Variants in ACOXL observed in about 807,000 individuals in gnomAD.
ACOXL encodes acyl-coenzyme A oxidase-like protein.
Under a neutral mutation model 71.9 loss-of-function variants are expected in ACOXL, and 70 were observed. The ratio of observed to expected loss-of-function variants is 0.97; its 90% CI spans 0.80 to 1.19. The LOEUF is 1.19. Among genes scored for constraint, ACOXL ranks in the 50% most tolerant of loss-of-function variants. ACOXL has a pLI of 0.00. For synonymous variants in ACOXL, 253 were observed against 281.6 expected (o/e 0.90, Z 1.02); for missense variants, 703 against 736.3 (o/e 0.95, Z 0.52).
chr2:110,888,394 G>A (rs1194798299), intron 10 of ACOXL, among the ~76,000 whole-genome samples: 4 of 152,148 alleles, frequency 2.6e-5, no homozygotes, highest in Non-Finnish European at 5.9e-5. Flanking sequence ...GCTGTACCCC[G>A]TGGATGCACC....
intron 12 of ACOXL, among the ~76,000 whole-genome samples, chr2:110,953,415 T>C (rs890001231): frequency 6.6e-6 from 1 of 152,160 alleles, no homozygotes; most frequent in Non-Finnish European, 1.5e-5. Context: ...TTTTATGGCC[T>C]GCTCTGTGGT....
At chr2:110,991,929 A>G (rs2063190393) in intron 13 of ACOXL, among the ~76,000 whole-genome samples, 2 of 152,216 alleles carry the variant, frequency 1.3e-5, no homozygotes, top group African/African-American at 2.4e-5. Context: ...ATTGTCCAAC[A>G]TATTAAGGAG....
rs77578161 is a variant in ACOXL at position 110,842,384 on chromosome 2, A to G, written c.788+979A>G. ...AGAGGCTCAAGATCATGGAGGGGAAAGAAATACATTTTCCTGGCCCATTGC... is the reference window on the plus strand; with the variant it reads ...AGAGGCTCAAGATCATGGAGGGGAAGGAAATACATTTTCCTGGCCCATTGC... On this transcript the variant is annotated intron_variant, in intron 10 of 17. Coordinates refer to ENST00000439055, the MANE Select transcript of ACOXL (RefSeq NM_001142807.4). 1.4e-3 allele frequency among the ~76,000 whole-genome samples: 209 copies of G among 152,324 alleles called. 2 individuals are homozygous for G. In the East Asian group the frequency reaches 0.016, roughly 12 times the overall value.
chr2:110,798,757 C>A, intron 6 of ACOXL, 33 bp downstream of exon 6: 8 of 1,575,424 alleles, frequency 5.1e-6, no homozygotes, highest in Non-Finnish European at 7.0e-6. Flanking sequence ...TAGAATAATT[C>A]TCTTCATTAG....
chr2:111,099,973 C>T (rs1442825870), intron 17 of ACOXL: 1 of 152,222 alleles, frequency 6.6e-6, no homozygotes, highest in Non-Finnish European at 1.5e-5. Flanking sequence ...TAATCTCTTA[C>T]TTTATTTTAC....
At chr2:111,111,608 C>G (rs886684845) in intron 17 of ACOXL, among the ~76,000 whole-genome samples, 9 of 152,154 alleles carry the variant, frequency 5.9e-5, no homozygotes, top group African/African-American at 2.2e-4. Flanking sequence ...TCTTTTTAAA[C>G]TTTTCCTCTT....
In ACOXL at chr2:111,003,782, A is replaced by G. The variant is rs192123467; in HGVS notation, c.1281+7778A>G. Among the ~76,000 whole-genome samples, 250 of 152,262 alleles carry G rather than the reference A, an allele frequency of 1.6e-3. 2 individuals are homozygous for G. Among genetic ancestry groups the G allele is most frequent in the African/African-American group, 5.5e-3 (228 of 41,548 alleles). Reference sequence around the variant, plus strand: ...ATTAATGTAACCATTTTTATGGTCAATTCAAATAAATATTCATTAAGCACA... The same window carrying G: ...ATTAATGTAACCATTTTTATGGTCAGTTCAAATAAATATTCATTAAGCACA... On this transcript the variant is annotated intron_variant, in intron 14 of 17. Coordinates refer to ENST00000439055, the MANE Select transcript of ACOXL (RefSeq NM_001142807.4).
In ACOXL at chr2:110,762,935, G is replaced by A. The variant is rs553620152; in HGVS notation, c.-22-5433G>A. Among the ~76,000 whole-genome samples the A allele has an allele frequency of 3.9e-5, 6 of 152,252 alleles. No individual in the cohort carries two copies. The South Asian group carries it at 1.2e-3, about 32-fold the overall frequency. ...GCCTCCCACAGTGCTTGAATTATAGGCATGACCCACTGCCCCTGGCCAAAT... is the reference window on the plus strand; with the variant it reads ...GCCTCCCACAGTGCTTGAATTATAGACATGACCCACTGCCCCTGGCCAAAT... On this transcript the variant is annotated intron_variant, in intron 1 of 17. Transcript: ENST00000439055.
intron 15 of ACOXL, among the ~76,000 whole-genome samples, chr2:111,041,234 G>A (rs1220599682): frequency 7.2e-5 from 11 of 152,148 alleles, no homozygotes; most frequent in Admixed American, 7.2e-4. Context: ...GCAGGGCCTC[G>A]TAACATCCAG....
chr2:110,987,285 C>A, intron 13 of ACOXL, 68 bp downstream of exon 13: 2 of 1,380,174 alleles, frequency 1.4e-6, no homozygotes, highest in South Asian at 1.3e-5. Context: ...TTCATACAGC[C>A]TTGGCATAAC....
At chr2:110,797,107 T>G (rs935670269) in intron 5 of ACOXL, among the ~76,000 whole-genome samples, 47 of 152,158 alleles carry the variant, frequency 3.1e-4, no homozygotes, top group African/African-American at 1.1e-3. Context: ...GCAAGAGGCT[T>G]AAAGGTAACC....
chr2:110,906,061 G>A (rs986793038), intron 10 of ACOXL, among the ~76,000 whole-genome samples: 3 of 152,134 alleles, frequency 2.0e-5, no homozygotes, highest in African/African-American at 7.2e-5. Flanking sequence ...CAACAGGTCG[G>A]GGTCAGATCT....
chr2:110,811,967 G>A (rs1218104555), intron 9 of ACOXL, among the ~76,000 whole-genome samples: 1 of 152,104 alleles, frequency 6.6e-6, no homozygotes, highest in Non-Finnish European at 1.5e-5. Flanking sequence ...TGCAGGTTCT[G>A]TTTTCTTTGC....
intron 16 of ACOXL, among the ~76,000 whole-genome samples, chr2:111,069,548 A>G (rs1323549232): frequency 6.6e-6 from 1 of 152,136 alleles, no homozygotes. Flanking sequence ...CTTATCCTCA[A>G]ACACCACTGG....
intron 15 of ACOXL, among the ~76,000 whole-genome samples, chr2:111,034,744 C>T (rs543586928): frequency 2.0e-4 from 30 of 152,270 alleles, no homozygotes; most frequent in African/African-American, 6.7e-4. Flanking sequence ...AAAATTTCAC[C>T]AGCGTATCAT....
At chr2:111,054,166 T>C (rs1052822593) in intron 16 of ACOXL, among the ~76,000 whole-genome samples, 1 of 152,182 alleles carries the variant, frequency 6.6e-6, no homozygotes, top group Non-Finnish European at 1.5e-5. Flanking sequence ...GGATCTGATA[T>C]CTACCACATT....
intron 12 of ACOXL, among the ~76,000 whole-genome samples, chr2:110,941,236 G>A (rs1012283107): frequency 6.6e-6 from 1 of 152,184 alleles, no homozygotes; most frequent in Admixed American, 6.5e-5. Flanking sequence ...AATTTGAGGG[G>A]CACTGTACAC....
chr2:110,891,802 G>T (rs188629905), intron 10 of ACOXL, among the ~76,000 whole-genome samples: 1 of 152,004 alleles, frequency 6.6e-6, no homozygotes. Flanking sequence ...GTTCAGAAGT[G>T]AGCTGCTATG....
At chr2:110,967,305 T>C (rs1574317515) in intron 12 of ACOXL, among the ~76,000 whole-genome samples, 1 of 152,268 alleles carries the variant, frequency 6.6e-6, no homozygotes, top group African/African-American at 2.4e-5. Context: ...GTGGAATCAG[T>C]GAATTTGAGG....
Sources: gnomAD v4.1 joint callset for allele counts (sites outside exome capture counted in the v4.1 genomes callset) on GRCh38, gnomAD v4.1.1 for gene constraint, MANE v1.5 for transcripts, NCBI Gene and HGNC (gene_info 2026-07-23, HGNC 2026-07-21) for gene names.